Variants in KIF1A observed in about 807,000 individuals in gnomAD.
KIF1A encodes kinesin family member 1A.
A neutral mutation model predicts 227.3 loss-of-function variants in KIF1A; 46 were observed. The observed-to-expected ratio is 0.20, with a 90% CI of 0.16 to 0.26. The LOEUF (loss-of-function observed/expected upper bound fraction) is 0.26. Ranked by LOEUF, KIF1A falls within the 10% of genes least tolerant of loss-of-function variation. The pLI, the probability that KIF1A is intolerant of heterozygous loss-of-function variation, is 1.00. For missense variants in KIF1A, 1,683 were observed against 2,485.9 expected, an observed-to-expected ratio of 0.68 and a Z score of 6.87; for synonymous variants, 1,022 against 1,012.8, an observed-to-expected ratio of 1.01 and a Z score of -0.17.
chr2:240,769,402 G>T (rs1559512595), intron 16 of KIF1A, among the ~76,000 whole-genome samples, 194 bp from the exon 17 acceptor site: 1 of 152,236 alleles, frequency 6.6e-6, no homozygotes. Flanking sequence ...CAGGGATCAG[G>T]TCTATCAGGC....
At chr2:240,731,919 GGGGAGGA>G (rs2046672577) in intron 38 of KIF1A, among the ~76,000 whole-genome samples, 1 of 68,682 alleles carries the variant, frequency 1.5e-5, no homozygotes, top group Non-Finnish European at 3.4e-5. Context: ...GAGGGGAGGA[GGGGAGGA>G]GGGATGAGGG....
rs140017120 is a variant in KIF1A, at chr2:240,797,765, C to G, written c.-13G>C. 3 of 1,578,700 alleles carry G rather than the reference C, an allele frequency of 1.9e-6. No homozygotes were observed. Among genetic ancestry groups the G allele is most frequent in the African/African-American group, 1.3e-5 (1 of 74,340 alleles). On this transcript the variant is annotated 5_prime_UTR_variant, in exon 2 of 49. Transcript: ENST00000498729. ...AAGCCCCGGCCATCTCTGTGGCCTT[C>G]GTGGGTCACTCCTCGCAGTAGTGGG...
rs192720839 is a variant in KIF1A at position 240,731,384 on chromosome 2, C to T, written c.4008-4444G>A. Reference sequence around the variant, plus strand: ...GGAATGCACGGACTTTGAGCAACATCGGATGCGGCTCTGGCCCTGGCTCCA... The same window carrying T: ...GGAATGCACGGACTTTGAGCAACATTGGATGCGGCTCTGGCCCTGGCTCCA... On this transcript the variant is annotated intron_variant, in intron 38 of 48. Transcript: ENST00000498729. Among the ~76,000 whole-genome samples the T allele has an allele frequency of 2.4e-3, 368 of 152,332 alleles. 6 individuals are homozygous for T. Among genetic ancestry groups the T allele is most frequent in the East Asian group, 0.021 (109 of 5,174 alleles).
chr2:240,728,576 A>G (rs2046284418), intron 38 of KIF1A, among the ~76,000 whole-genome samples: 1 of 152,238 alleles, frequency 6.6e-6, no homozygotes. Context: ...GCTGGGGTGC[A>G]AGCCCCAGGT....
rs2055589454 is a variant in KIF1A at position 240,790,970 on chromosome 2, G to A, written c.107-1658C>T. On this transcript the variant is annotated intron_variant, in intron 2 of 48. Transcript: ENST00000498729. The surrounding 1 kb of genome is among the most constrained non-coding windows in gnomAD (Gnocchi z 5.0). ...GAGACCCCCTCTGGCCAAGCGTCTT[G>A]CTGACAGCACAGGCATCACTGGCAG... is the stretch of plus-strand genomic sequence containing the variant. Among the ~76,000 whole-genome samples the A allele has an allele frequency of 6.6e-6, 1 of 152,138 alleles. No homozygotes were observed.
Position 240,740,009 on chromosome 2 carries a change from C to T in KIF1A, c.3901+49G>A. The T allele has an allele frequency of 6.9e-7, 1 of 1,450,002 alleles. No homozygotes were observed. The highest frequency in any genetic ancestry group is 9.5e-7 in the Non-Finnish European group (1 of 1,053,878). The allele number at this position is 1,450,002 out of a possible 1,614,324, so 89.8% of individuals were successfully genotyped here. On this transcript the variant is annotated intron_variant, in intron 37 of 48. Coordinates refer to ENST00000498729, the MANE Select transcript of KIF1A (RefSeq NM_001244008.2). The surrounding 1 kb of genome is among the most constrained non-coding windows in gnomAD (Gnocchi z 6.1). ...TATCCAGCTCAGGGCCTGTACTCTT[C>T]CCACCAGCTCAGCCCCACCCACCAA...
At chr2:240,728,411 C>T (rs757936464) in intron 38 of KIF1A, 22 of 1,302,484 alleles carry the variant, frequency 1.7e-5, no homozygotes, top group Admixed American at 4.6e-5. Context: ...CCCAATGAAA[C>T]GCTAAAGGTG....
rs1156498240 is a variant in KIF1A at position 240,772,613 on chromosome 2, C to T, written c.1181-17G>A. 8 of 1,511,230 alleles carry T rather than the reference C, an allele frequency of 5.3e-6. No individual in the cohort carries two copies. The highest frequency in any genetic ancestry group is 2.8e-5 in the African/African-American group (2 of 72,070). The allele number at this position is 1,511,230 out of a possible 1,614,324, so 93.6% of individuals were successfully genotyped here. A position where few individuals can be genotyped will look rare whatever the true frequency, so the allele number is the denominator to read the frequency against. The stretch of plus-strand genomic sequence containing the variant: ...CAGTGTTGGCTATGGGGGAGGGAAG[C>T]GTGGGGGAGGGGGAGAGACAGAGAA... On this transcript the variant is annotated splice_polypyrimidine_tract_variant and intron_variant, in intron 13 of 48. Coordinates refer to ENST00000498729, the MANE Select transcript of KIF1A (RefSeq NM_001244008.2).
chr2:240,725,594 G>A lies in KIF1A; in HGVS notation c.4123-190C>T. The A allele has an allele frequency of 1.6e-6, 1 of 615,196 alleles. No homozygotes were observed. Among genetic ancestry groups the A allele is most frequent in the South Asian group, 2.1e-5 (1 of 48,666 alleles). 38.1% of individuals were successfully genotyped at this position (615,196 alleles called of 1,614,324 possible). On this transcript the variant is annotated intron_variant, in intron 39 of 48. Transcript: ENST00000498729. The surrounding 1 kb of genome is among the most constrained non-coding windows in gnomAD (Gnocchi z 5.8). ...CTGCCCTCGAGAAAACCCCACTGGGGACAGGTAGCCACAGCTCTGTCCACC... is the reference window on the plus strand; with the variant it reads ...CTGCCCTCGAGAAAACCCCACTGGGAACAGGTAGCCACAGCTCTGTCCACC...
chr2:240,780,794 AG>A (rs1371432074), intron 10 of KIF1A, among the ~76,000 whole-genome samples: 13 of 78,256 alleles, frequency 1.7e-4, no homozygotes, highest in African/African-American at 4.6e-4. Context: ...ACACACACAC[AG>A]CTCCACACAC....
At position 240,716,995 on chromosome 2, in the gene KIF1A, T is replaced by C. The variant is rs536101201; in HGVS notation, c.*369A>G. Reference sequence around the variant, plus strand: ...ATACTTATAAATAGAACAAGTCTTATAGTTAATTTCCGAGTTGACTGTTTC... The same window carrying C: ...ATACTTATAAATAGAACAAGTCTTACAGTTAATTTCCGAGTTGACTGTTTC... On this transcript the variant is annotated 3_prime_UTR_variant, in exon 49 of 49. Transcript: ENST00000498729. 24 of 237,640 alleles carry C rather than the reference T, an allele frequency of 1.0e-4. No individual in the cohort carries two copies. The East Asian group carries it at 1.4e-3, about 14-fold the overall frequency. 14.7% of individuals were successfully genotyped at this position (237,640 alleles called of 1,614,324 possible). A position where few individuals can be genotyped will look rare whatever the true frequency, so the allele number is the denominator to read the frequency against.
chr2:240,804,889 G>A (rs954902867), intron 1 of KIF1A, among the ~76,000 whole-genome samples: 6 of 151,980 alleles, frequency 3.9e-5, no homozygotes, highest in Admixed American at 3.9e-4. Context: ...CTTTCCCAGG[G>A]CCCCAAGATT....
rs901285110 is a variant in KIF1A at position 240,786,741 on chromosome 2, T to A, written c.430-228A>T. On this transcript the variant is annotated intron_variant, in intron 5 of 48. Coordinates refer to ENST00000498729, the MANE Select transcript of KIF1A (RefSeq NM_001244008.2). ...GAGTGAGGGGGTGGGGGCTGCCTGC[T>A]GGGCCCCTGAGTGAGAGGGTAGGGG... Among the ~76,000 whole-genome samples, 1,021 of 20,768 alleles carry A rather than the reference T, an allele frequency of 0.049. 50 individuals are homozygous for A. The highest frequency in any genetic ancestry group is 0.14 in the African/African-American group (892 of 6,444). 13.6% of individuals were successfully genotyped at this position (20,768 alleles called of 152,430 possible). A position where few individuals can be genotyped will look rare whatever the true frequency, so the allele number is the denominator to read the frequency against.
At chr2:240,818,445 A>G (rs910337433) in intron 1 of KIF1A, among the ~76,000 whole-genome samples, 4 of 152,156 alleles carry the variant, frequency 2.6e-5, no homozygotes, top group Non-Finnish European at 4.4e-5. Context: ...GAACCCCTCT[A>G]AATAGACGGT....
chr2:240,780,734 T>TG (rs2053554450), intron 10 of KIF1A, among the ~76,000 whole-genome samples: 2 of 149,812 alleles, frequency 1.3e-5, no homozygotes, highest in Non-Finnish European at 3.0e-5. Context: ...CTGACAGAGT[T>TG]GGACACACAG....
At chr2:240,777,860 A>G (rs2052983667) in intron 10 of KIF1A, among the ~76,000 whole-genome samples, 1 of 152,130 alleles carries the variant, frequency 6.6e-6, no homozygotes, top group Non-Finnish European at 1.5e-5. Flanking sequence ...GGCTCCTTCA[A>G]AAGTCTCTGT....
At chr2:240,733,870 C>G (rs1447364317) in intron 38 of KIF1A, among the ~76,000 whole-genome samples, 2 of 152,258 alleles carry the variant, frequency 1.3e-5, no homozygotes, top group Non-Finnish European at 2.9e-5. Flanking sequence ...GACCCAGGAG[C>G]AGGCAGCCTT....
At position 240,758,620 on chromosome 2, in the gene KIF1A, T is replaced by A; in HGVS notation, c.2445-123A>T. 1 of 1,027,210 alleles carries A rather than the reference T, an allele frequency of 9.7e-7. No homozygotes were observed. 63.6% of individuals were successfully genotyped at this position (1,027,210 alleles called of 1,614,324 possible). A position where few individuals can be genotyped will look rare whatever the true frequency, so the allele number is the denominator to read the frequency against. On this transcript the variant is annotated intron_variant, in intron 25 of 48. Coordinates refer to ENST00000498729, the MANE Select transcript of KIF1A (RefSeq NM_001244008.2). This position sits in a 1 kb window ranked among gnomAD's most constrained non-coding sequence, Gnocchi z 5.2. Reference sequence around the variant, plus strand: ...TCTGGCCACCACATCCAGCTCAGGGTCATCAAGGTCCAGGGGGCTTGCTAG... The same window carrying A: ...TCTGGCCACCACATCCAGCTCAGGGACATCAAGGTCCAGGGGGCTTGCTAG...
intron 10 of KIF1A, among the ~76,000 whole-genome samples, chr2:240,781,446 CA>C (rs2053963765): frequency 1.4e-5 from 1 of 73,584 alleles, no homozygotes; most frequent in South Asian, 3.2e-4. Flanking sequence ...CACACACACA[CA>C]CACACACACA....
Sources: gnomAD v4.1 joint callset for allele counts (sites outside exome capture counted in the v4.1 genomes callset) on GRCh38, gnomAD v4.1.1 for gene constraint, Gnocchi (gnomAD v3.1) non-coding constraint, MANE v1.5 for transcripts, NCBI Gene and HGNC (gene_info 2026-07-23, HGNC 2026-07-21) for gene names.